The following BABAM2 variants were observed in gnomAD, a reference collection of about 807,000 sequenced individuals.
BABAM2 encodes BRISC and BRCA1-A complex member 2.
A neutral mutation model predicts 54.7 loss-of-function variants in BABAM2; 31 were observed. That is an observed-to-expected ratio of 0.57 (90% CI 0.43 to 0.77). The LOEUF (loss-of-function observed/expected upper bound fraction) is 0.77. Among genes scored for constraint, BABAM2 ranks in the 30% least tolerant of loss-of-function variants. The pLI is 0.00. For synonymous variants in BABAM2, 167 were observed against 162.9 expected, an observed-to-expected ratio of 1.03 and a Z score of -0.19; for missense variants, 364 against 455.8, an observed-to-expected ratio of 0.80 and a Z score of 1.83.
intron 6 of BABAM2, among the ~76,000 whole-genome samples, chr2:28,097,878 G>A (rs1300890826): frequency 6.6e-6 from 1 of 152,002 alleles, no homozygotes; most frequent in Admixed American, 6.5e-5. Context: ...CTCTGTAATC[G>A]GATTGCTTCT....
intron 4 of BABAM2, among the ~76,000 whole-genome samples, chr2:28,022,160 A>G (rs537755505): frequency 6.7e-6 from 1 of 150,374 alleles, no homozygotes; most frequent in South Asian, 2.1e-4. Context: ...AAATGTGGGA[A>G]GGTGAGGGGT....
chr2:27,927,821 C>T (rs1000559720), intron 2 of BABAM2, among the ~76,000 whole-genome samples: 7 of 150,266 alleles, frequency 4.7e-5, no homozygotes, highest in African/African-American at 1.7e-4. Context: ...GTTAAACATA[C>T]CCTTGTTAAA....
At chr2:28,164,816 C>T (rs967475800) in intron 7 of BABAM2, among the ~76,000 whole-genome samples, 4 of 152,112 alleles carry the variant, frequency 2.6e-5, no homozygotes, top group Non-Finnish European at 5.9e-5. Flanking sequence ...AGATAATCAG[C>T]TTCCATAACT....
chr2:27,959,191 T>A (rs904516683), intron 3 of BABAM2, among the ~76,000 whole-genome samples: 1 of 152,192 alleles, frequency 6.6e-6, no homozygotes. Flanking sequence ...ACCAACCACA[T>A]GCGAGTCAAT....
At chr2:28,310,233 C>A in intron 11 of BABAM2, 3 of 1,357,896 alleles carry the variant, frequency 2.2e-6, no homozygotes, top group Non-Finnish European at 3.1e-6. Context: ...GCCTGGCCAT[C>A]AATTACTGCC....
intron 6 of BABAM2, among the ~76,000 whole-genome samples, chr2:28,083,847 T>C (rs780203461): frequency 8.5e-5 from 13 of 152,190 alleles, no homozygotes; most frequent in Non-Finnish European, 1.2e-4. Flanking sequence ...TGATCTGTAT[T>C]TATTGAGCAC....
intron 10 of BABAM2, among the ~76,000 whole-genome samples, chr2:28,278,515 G>C (rs763464518): frequency 1.8e-4 from 27 of 152,112 alleles, no homozygotes; most frequent in Admixed American, 3.3e-4. Context: ...GGAAAGAGTG[G>C]AAATTTTAAG....
intron 6 of BABAM2, among the ~76,000 whole-genome samples, chr2:28,059,089 C>G (rs1558297815): frequency 6.6e-6 from 1 of 152,186 alleles, no homozygotes; most frequent in Non-Finnish European, 1.5e-5. Context: ...TGTCACCCAG[C>G]ACGCCCCTCC....
intron 7 of BABAM2, among the ~76,000 whole-genome samples, chr2:28,196,908 G>A (rs1284190586): frequency 2.3e-5 from 3 of 131,568 alleles, no homozygotes; most frequent in African/African-American, 8.6e-5. Context: ...GCAGTGGCAT[G>A]ATCTCAGCTC....
chr2:28,221,944 G>GT (rs1387204499), intron 7 of BABAM2, among the ~76,000 whole-genome samples: 1 of 152,190 alleles, frequency 6.6e-6, no homozygotes, highest in Non-Finnish European at 1.5e-5. Flanking sequence ...CTGATCCCAA[G>GT]TTGGTTCCTA....
chr2:28,194,029 G>A (rs1284153400), intron 7 of BABAM2, among the ~76,000 whole-genome samples: 1 of 152,144 alleles, frequency 6.6e-6, no homozygotes, highest in African/African-American at 2.4e-5. Context: ...GGGGTCAGGG[G>A]AAGGACACTT....
At chr2:28,110,192 T>C (rs767449458) in intron 6 of BABAM2, among the ~76,000 whole-genome samples, 1 of 149,078 alleles carries the variant, frequency 6.7e-6, no homozygotes, top group Non-Finnish European at 1.5e-5. Context: ...TTGTAGGATG[T>C]CAGAATTTTC....
chr2:28,314,299 A>G (rs900493468), intron 11 of BABAM2, among the ~76,000 whole-genome samples: 11 of 152,346 alleles, frequency 7.2e-5, no homozygotes, highest in African/African-American at 2.6e-4. Flanking sequence ...GAGACCCTGC[A>G]AAAGGAAGGG....
intron 6 of BABAM2, among the ~76,000 whole-genome samples, chr2:28,090,841 A>G (rs1409353973): frequency 6.6e-6 from 1 of 152,194 alleles, no homozygotes; most frequent in Non-Finnish European, 1.5e-5. Flanking sequence ...ATTTGCTGTT[A>G]GTGTAAACTT....
chr2:28,021,153 G>A (rs1675229161), intron 4 of BABAM2, among the ~76,000 whole-genome samples: 1 of 152,142 alleles, frequency 6.6e-6, no homozygotes. Flanking sequence ...GGAAATGCTG[G>A]GTGAGGGACA....
At chr2:28,018,642 G>A (rs563261096) in intron 4 of BABAM2, among the ~76,000 whole-genome samples, 1 of 152,210 alleles carries the variant, frequency 6.6e-6, no homozygotes, top group South Asian at 2.1e-4. Flanking sequence ...TAATGTAAAA[G>A]TGTTCCCTTT....
chr2:28,171,072 G>A (rs112055996), intron 7 of BABAM2, among the ~76,000 whole-genome samples: 1,644 of 151,662 alleles, frequency 0.011, 32 homozygotes, highest in African/African-American at 0.038. Flanking sequence ...CATTTGGATG[G>A]TAGCATGCTG....
At chr2:28,089,655 C>T (rs1665991675) in intron 6 of BABAM2, among the ~76,000 whole-genome samples, 1 of 152,236 alleles carries the variant, frequency 6.6e-6, no homozygotes, top group Admixed American at 6.5e-5. Flanking sequence ...TGCCCAGGCT[C>T]ATAAACCAGT....
intron 7 of BABAM2, among the ~76,000 whole-genome samples, chr2:28,235,382 G>A (rs938296553): frequency 8.6e-5 from 13 of 151,738 alleles, no homozygotes; most frequent in African/African-American, 3.1e-4. Context: ...TCACCATGTT[G>A]GCCAGAATGG....
Sources: allele counts gnomAD v4.1 joint callset (sites outside exome capture counted in the v4.1 genomes callset), GRCh38; gene constraint gnomAD v4.1.1; transcripts MANE v1.5; gene names NCBI Gene and HGNC (gene_info 2026-07-23, HGNC 2026-07-21).